NUP160: variants seen among roughly 807,000 people sequenced by gnomAD.
NUP160 encodes nuclear pore complex protein Nup160.
NUP160 carries 94 observed loss-of-function variants against 196.9 expected under a neutral mutation model. That is an observed-to-expected ratio of 0.48 (90% CI 0.40 to 0.57). NUP160 has a LOEUF of 0.57. NUP160 is among the 20% of genes least tolerant of loss of function. NUP160 has a pLI of 0.00. For synonymous variants in NUP160, 605 were observed against 619.7 expected, an observed-to-expected ratio of 0.98 and a Z score of 0.35; for missense variants, 1,638 against 1,748.3, an observed-to-expected ratio of 0.94 and a Z score of 1.13.
rs2097660009 is a variant in NUP160, at chr11:47,780,431, G to C, written c.4133C>G (p.Thr1378Arg). The change falls in exon 35 of 36, where the codon ACA (threonine) becomes AGA (arginine). Residue 1378 changes from threonine (T) to arginine (R), a missense_variant. By Grantham distance (71) the Thr-to-Arg change is moderately conservative. Around this residue, in one of 3 missense-constraint regions of NUP160, gnomAD observed 1,345 missense variants for 1,470.2 expected, o/e 0.91. Transcript: ENST00000378460. ...GTATGGAAGCCACACCATTGGGGCT[G>C]TTGCGGACAGTGGAAACTAAAAGGA... is the stretch of plus-strand genomic sequence containing the variant. 4 of 1,611,846 alleles carry C rather than the reference G, an allele frequency of 2.5e-6. No individual in the cohort carries two copies. In the East Asian group the frequency reaches 8.9e-5, roughly 36 times the overall value.
chr11:47,840,346 G>A (rs1183838401), intron 3 of NUP160, 32 bp downstream of exon 3: 3 of 1,553,216 alleles, frequency 1.9e-6, no homozygotes, highest in African/African-American at 1.4e-5. Flanking sequence ...AGTAATTTGG[G>A]AAATAAAAGA....
At chr11:47,840,541 A>G (rs1202040885) in exon 3 of NUP160, 10 of 1,613,506 alleles carry the variant, frequency 6.2e-6, no homozygotes, top group Non-Finnish European at 7.6e-6. Context: ...CAACAGATTT[A>G]TGTCCAGTGA....
chr11:47,812,827 C>A, intron 15 of NUP160, 55 bp downstream of exon 15: 1 of 1,476,280 alleles, frequency 6.8e-7, no homozygotes, highest in Non-Finnish European at 9.3e-7. Context: ...CCAACTTTGG[C>A]GCTAAAAATG....
At chr11:47,784,869 T>A in intron 33 of NUP160, 53 bp downstream of exon 33, 1 of 1,359,294 alleles carries the variant, frequency 7.4e-7, no homozygotes, top group Non-Finnish European at 1.0e-6. Context: ...CATGAAGTTA[T>A]CCAGAATGAT....
At chr11:47,843,853 T>C (rs749359385) in intron 2 of NUP160, among the ~76,000 whole-genome samples, 3 of 152,234 alleles carry the variant, frequency 2.0e-5, no homozygotes, top group African/African-American at 4.8e-5. Flanking sequence ...TCTGTATCTT[T>C]AGCCCAACTT....
intron 27 of NUP160, among the ~76,000 whole-genome samples, chr11:47,793,164 T>C (rs554229873): frequency 6.6e-6 from 1 of 152,146 alleles, no homozygotes; most frequent in East Asian, 1.9e-4. Context: ...ATTTTTGTAT[T>C]TTTGGTAGAG....
chr11:47,847,856 GA>G lies in NUP160; in HGVS notation c.305del (p.Phe102SerfsTer13), dbSNP rs1178735746. The stretch of plus-strand genomic sequence containing the variant: ...CGAACCACAACACTTACCAATGAAT[GA>G]ACCTGTTTCTGGTTACGGAGAACAA... On this transcript the variant is annotated frameshift_variant, in exon 2 of 36. Coordinates refer to ENST00000378460, the Ensembl canonical transcript of NUP160. LOFTEE classifies it high-confidence loss of function. 6.2e-7 allele frequency: 1 copy of G among 1,610,682 alleles called. No individual in the cohort carries two copies.
chr11:47,781,159 G>A (rs2097660553), intron 34 of NUP160, among the ~76,000 whole-genome samples: 1 of 151,930 alleles, frequency 6.6e-6, no homozygotes, highest in African/African-American at 2.4e-5. Context: ...GGAGGCGGAG[G>A]TTACAGTGAG....
At chr11:47,779,421 T>G (rs1465411647) in intron 35 of NUP160, among the ~76,000 whole-genome samples, 1 of 152,188 alleles carries the variant, frequency 6.6e-6, no homozygotes. Context: ...GAATGAATTT[T>G]CTAAGTATGG....
At chr11:47,789,866 A>G (rs2135347935) in intron 29 of NUP160, among the ~76,000 whole-genome samples, 1 of 152,102 alleles carries the variant, frequency 6.6e-6, no homozygotes, top group South Asian at 2.1e-4. Flanking sequence ...TTAGCTACTA[A>G]TAGCCTACTA....
In NUP160 at chr11:47,806,192, T is replaced by C. The variant is rs1209358779; in HGVS notation, c.2567A>G (p.Glu856Gly). 10 of 1,614,166 alleles carry C rather than the reference T, an allele frequency of 6.2e-6. No individual in the cohort carries two copies. In the East Asian group the frequency reaches 2.2e-4, roughly 36 times the overall value. The change falls in exon 20 of 36, where the codon GAA becomes GGA. Residue 856 changes from glutamate (E) to glycine (G), a missense_variant. Physicochemically the swap from Glu to Gly is moderately conservative, Grantham distance 98 (BLOSUM62 -2). This residue lies in a region of NUP160 where 1,345 missense variants were observed against 1,470.2 expected (regional missense o/e 0.91). Transcript: ENST00000378460. The stretch of plus-strand genomic sequence containing the variant: ...ATAACTGGTAATTGCAGTAATCATT[T>C]CAGGCCAATTCAATCCAGTTTGGCT...
rs2097675594 is a variant in NUP160 at position 47,803,483 on chromosome 11, T to C, written c.2730A>G (p.Arg910=). 1.9e-6 allele frequency: 3 copies of C among 1,612,666 alleles called. No individual in the cohort carries two copies. In the South Asian group the frequency reaches 3.3e-5, roughly 18 times the overall value. ...CTAGGTAACACCTTCCCAGCATAAA[T>C]CGACAGGAACCAACATTGACTTGAC... Residue 910 remains arginine, a synonymous_variant, in exon 22 of 36, where the codon CGA becomes CGG. Transcript: ENST00000378460.
chr11:47,785,051 T>C (rs1341947743), exon 33 of NUP160: 1 of 1,501,456 alleles, frequency 6.7e-7, no homozygotes. Context: ...GTCGCCATGC[T>C]TCATCTGTAG....
At chr11:47,811,744 C>G (rs941960804) in intron 17 of NUP160, among the ~76,000 whole-genome samples, 11 of 152,064 alleles carry the variant, frequency 7.2e-5, no homozygotes, top group African/African-American at 2.4e-4. Flanking sequence ...TAAACGTGTG[C>G]CATGATGGTT....
At chr11:47,790,381 A>G (rs2125838) in intron 29 of NUP160, among the ~76,000 whole-genome samples, 53,926 of 151,472 alleles carry the variant, frequency 0.36, 10,848 homozygotes, top group South Asian at 0.52. Flanking sequence ...TGCCTCAGCC[A>G]CCTGAGTAGC....
chr11:47,793,980 G>A (rs1417360073), intron 27 of NUP160, among the ~76,000 whole-genome samples: 2 of 151,904 alleles, frequency 1.3e-5, no homozygotes, highest in Admixed American at 6.6e-5. Flanking sequence ...ATTATGCTAG[G>A]TGAAATAAGA....
chr11:47,783,230 C>G (rs750051299), intron 33 of NUP160, 32 bp from the exon 34 acceptor site: 21 of 1,604,876 alleles, frequency 1.3e-5, no homozygotes, highest in Non-Finnish European at 1.8e-5. Context: ...GAATATGTAC[C>G]TATTTCCCTC....
exon 1 of NUP160, chr11:47,848,283 C>T: frequency 6.2e-7 from 1 of 1,614,160 alleles, no homozygotes; most frequent in South Asian, 1.1e-5. Context: ...CGCTTAGCTC[C>T]ACGAAGCTCC....
intron 13 of NUP160, 65 bp from the exon 14 acceptor site, chr11:47,813,480 G>T: frequency 1.9e-6 from 2 of 1,030,962 alleles, no homozygotes; most frequent in Non-Finnish European, 3.0e-6. Context: ...AAATAATTGA[G>T]ATGTGCATCT....
Sources: allele counts gnomAD v4.1 joint callset (sites outside exome capture counted in the v4.1 genomes callset), GRCh38; gene constraint gnomAD v4.1.1; regional missense constraint gnomAD v4.1.1; transcripts MANE v1.5; gene names NCBI Gene and HGNC (gene_info 2026-07-23, HGNC 2026-07-21).